The following VSIG10L variants were observed in gnomAD, a reference collection of about 807,000 sequenced individuals.
VSIG10L encodes V-set and immunoglobulin domain-containing protein 10-like.
In VSIG10L, 63 loss-of-function variants were observed where a neutral mutation model predicts 67.3. That is an observed-to-expected ratio of 0.94 (90% CI 0.76 to 1.15). VSIG10L has a LOEUF of 1.15. Ranked by LOEUF, VSIG10L falls within the 50% of genes most tolerant of loss-of-function variation. The probability of loss-of-function intolerance (pLI) is 0.00; values close to 1 mark genes in which losing one functional copy is unlikely to be tolerated. For missense variants in VSIG10L, 1,050 were observed against 1,177.5 expected, an observed-to-expected ratio of 0.89 and a Z score of 1.58; for synonymous variants, 499 against 524.9, an observed-to-expected ratio of 0.95 and a Z score of 0.67.
intron 5 of VSIG10L, 49 bp downstream of exon 5, chr19:51,338,839 A>G (rs1173504038): frequency 6.7e-6 from 9 of 1,337,546 alleles, no homozygotes; most frequent in Non-Finnish European, 1.9e-6. Flanking sequence ...CCAAAGAAAA[A>G]GTCTCCCTCC....
intron 7 of VSIG10L, among the ~76,000 whole-genome samples, 180 bp from the exon 8 acceptor site, chr19:51,334,484 C>T (rs7256206): frequency 0.17 from 26,207 of 152,192 alleles, 3,707 homozygotes; most frequent in African/African-American, 0.38. Flanking sequence ...TACTGAGTGA[C>T]CGTGGTGTGC....
chr19:51,332,651 G>A lies in VSIG10L; in HGVS notation c.2575-11C>T. 6.4e-7 allele frequency: 1 copy of A among 1,550,784 alleles called. No individual in the cohort carries two copies. The highest frequency in any genetic ancestry group is 8.7e-7 in the Non-Finnish European group (1 of 1,146,406). On this transcript the variant is annotated splice_polypyrimidine_tract_variant and intron_variant, in intron 9 of 9. Transcript: ENST00000335624. The stretch of plus-strand genomic sequence containing the variant: ...AACTGGGGTCTGTGCCTGGAAGAGA[G>A]AGGTGGGGTGAGGGGAGAACTCAGT...
At chr19:51,335,866 C>T (rs1198237783) in intron 7 of VSIG10L, among the ~76,000 whole-genome samples, 17 of 152,066 alleles carry the variant, frequency 1.1e-4, no homozygotes, top group Admixed American at 1.1e-3. Flanking sequence ...TAGCTGAGAT[C>T]ATGCCACTGC....
chr19:51,332,573 C>G lies in VSIG10L; in HGVS notation c.*38G>C. On this transcript the variant is annotated 3_prime_UTR_variant, in exon 10 of 10. Coordinates refer to ENST00000335624, the MANE Select transcript of VSIG10L (RefSeq NM_001163922.3). ...CAGGGCAGACCACTGGCTCTGATCACACCTGTGTGGCTGCGCGAACAGTCT... is the reference window on the plus strand; with the variant it reads ...CAGGGCAGACCACTGGCTCTGATCAGACCTGTGTGGCTGCGCGAACAGTCT... The G allele has an allele frequency of 6.4e-7, 1 of 1,551,400 alleles. No individual in the cohort carries two copies. The highest frequency in any genetic ancestry group is 2.4e-5 in the East Asian group (1 of 40,912).
chr19:51,341,129 C>T (rs762888721), intron 2 of VSIG10L, 24 bp downstream of exon 2: 23 of 1,481,244 alleles, frequency 1.6e-5, no homozygotes, highest in Non-Finnish European at 2.0e-5. Context: ...GCCGCCTGCA[C>T]GCCGGACGCC....
In VSIG10L at chr19:51,340,560, G is replaced by T. The variant is rs997349250; in HGVS notation, c.1062C>A (p.Pro354=). The change falls in exon 3 of 10, where the codon CCC becomes CCA. Residue 354 remains proline (P), a synonymous_variant. Coordinates refer to ENST00000335624, the MANE Select transcript of VSIG10L (RefSeq NM_001163922.3). The surrounding 1 kb of genome is among the most constrained non-coding windows in gnomAD (Gnocchi z 6.3). ...GCTGGTCGCCCTCTGAGCGCATCCGGGGCGTCTCGGCTCCCTCCGATTCCG... is the reference window on the plus strand; with the variant it reads ...GCTGGTCGCCCTCTGAGCGCATCCGTGGCGTCTCGGCTCCCTCCGATTCCG... ...EAAESEGAET[P]RMRSEGDQLL... is the part of the protein sequence containing the mutation. 15 of 1,535,626 alleles carry T rather than the reference G, an allele frequency of 9.8e-6. No homozygotes were observed. The highest frequency in any genetic ancestry group is 2.4e-5 in the South Asian group (2 of 83,996).
In VSIG10L at chr19:51,341,230, T is replaced by A; in HGVS notation, c.818A>T (p.Asp273Val). ...VLELASAQLD[D>V]AGVYTAEVIR... ...GACCTCAGCCGTGTAGACCCCTGCA[T>A]CGTCCAGCTGGGCAGAGGCGAGCTC... Residue 273 changes from aspartate to valine, a missense_variant, in exon 2 of 10, where the codon GAT becomes GTT. By Grantham distance (152) the Asp-to-Val change is radical (BLOSUM62 -3). This residue lies in a region of VSIG10L where 511 missense variants were observed against 557.9 expected (regional missense o/e 0.92). Transcript: ENST00000335624. 6.4e-7 allele frequency: 1 copy of A among 1,550,712 alleles called. No individual in the cohort carries two copies. The highest frequency in any genetic ancestry group is 8.7e-7 in the Non-Finnish European group (1 of 1,146,846).
Position 51,341,503 on chromosome 19 carries a change from G to A in VSIG10L, c.545C>T (p.Ser182Phe). 3 of 1,551,010 alleles carry A rather than the reference G, an allele frequency of 1.9e-6. No homozygotes were observed. Among genetic ancestry groups the A allele is most frequent in the Non-Finnish European group, 1.7e-6 (2 of 1,146,744 alleles). Reference protein sequence around the residue: ...LSAQSPESKFSAETHSAASFP... With the variant: ...LSAQSPESKFFAETHSAASFP... The stretch of plus-strand genomic sequence containing the variant: ...GCTTGCAGCTGAGTGGGTCTCTGCA[G>A]AAAATTTGGATTCAGGGCTCTGGGC... The change falls in exon 2 of 10, where the codon TCT (serine) becomes TTT (phenylalanine). Residue 182 changes from serine to phenylalanine, a missense_variant. By Grantham distance (155) the Ser-to-Phe change is radical (BLOSUM62 -2). Around this residue, in one of 3 missense-constraint regions of VSIG10L, gnomAD observed 511 missense variants for 557.9 expected, o/e 0.92. Coordinates refer to ENST00000335624, the MANE Select transcript of VSIG10L (RefSeq NM_001163922.3).
In VSIG10L at chr19:51,337,501, G is replaced by C; in HGVS notation, c.2042C>G (p.Ala681Gly). The C allele has an allele frequency of 6.5e-7, 1 of 1,547,788 alleles. No individual in the cohort carries two copies. Among genetic ancestry groups the C allele is most frequent in the Middle Eastern group, 1.7e-4 (1 of 5,980 alleles). The change falls in exon 7 of 10, where the codon GCC (alanine) becomes GGC (glycine). Residue 681 changes from alanine (A) to glycine (G), a missense_variant. Ala to Gly is a moderately conservative substitution (Grantham distance 60). Around this residue, in one of 3 missense-constraint regions of VSIG10L, gnomAD observed 529 missense variants for 584.9 expected, o/e 0.90. Transcript: ENST00000335624. ...PSISSWRLQR[A>G]RDAAVLTWDV... ...CCAAGTCAGCACGGCTGCATCTCTG[G>C]CTCTCTGAAGCCTCCACGAGGATAT...
intron 7 of VSIG10L, among the ~76,000 whole-genome samples, chr19:51,334,620 T>C (rs908770057): frequency 2.0e-5 from 3 of 152,160 alleles, no homozygotes; most frequent in Non-Finnish European, 4.4e-5. Flanking sequence ...AATCACAGAT[T>C]GTCCCGAGAA....
chr19:51,332,160 C>T lies in VSIG10L; in HGVS notation c.*451G>A, dbSNP rs936146918. Reference sequence around the variant, plus strand: ...AAGGGAAATGCACAGGCCGTAGAAGCGTTTAAAGAGAAGAGTGACATGATC... The same window carrying T: ...AAGGGAAATGCACAGGCCGTAGAAGTGTTTAAAGAGAAGAGTGACATGATC... On this transcript the variant is annotated 3_prime_UTR_variant, in exon 10 of 10. Coordinates refer to ENST00000335624, the MANE Select transcript of VSIG10L (RefSeq NM_001163922.3). 5.9e-5 allele frequency: 14 copies of T among 239,270 alleles called. No individual in the cohort carries two copies. Among genetic ancestry groups the T allele is most frequent in the Non-Finnish European group, 5.9e-5 (7 of 118,252 alleles). The allele number at this position is 239,270 out of a possible 1,614,324, so 14.8% of individuals were successfully genotyped here.
At position 51,334,156 on chromosome 19, in the gene VSIG10L, G is replaced by C. The variant is rs1568461734; in HGVS notation, c.2419+35C>G. On this transcript the variant is annotated intron_variant, in intron 8 of 9. Transcript: ENST00000335624. The stretch of plus-strand genomic sequence containing the variant: ...CTCTTTCTAGGGTCCCTCCCCGTTG[G>C]TCATGGTTGCCCCTTCCCCAGTCCC... 3.2e-6 allele frequency: 5 copies of C among 1,548,232 alleles called. No homozygotes were observed. The Admixed American group carries it at 7.9e-5, about 24-fold the overall frequency.
intron 7 of VSIG10L, among the ~76,000 whole-genome samples, chr19:51,336,758 C>A (rs1357217730): frequency 1.5e-5 from 2 of 132,650 alleles, no homozygotes; most frequent in Non-Finnish European, 3.2e-5. Flanking sequence ...CCTGTCGACA[C>A]CTTGATTTTT....
intron 2 of VSIG10L, 21 bp downstream of exon 2, chr19:51,341,132 C>T (rs1180712502): frequency 8.8e-6 from 13 of 1,483,644 alleles, no homozygotes; most frequent in Middle Eastern, 1.8e-4. Flanking sequence ...GCCTGCACGC[C>T]GGACGCCAGG....
chr19:51,338,296 G>C, intron 5 of VSIG10L, 88 bp from the exon 6 acceptor site: 1 of 1,392,344 alleles, frequency 7.2e-7, no homozygotes, highest in Non-Finnish European at 9.4e-7. Context: ...AAATCAGATG[G>C]TGGTAAGCCC....
At position 51,333,786 on chromosome 19, in the gene VSIG10L, C is replaced by A. The variant is rs1312223424; in HGVS notation, c.2574+5G>T. ...CCAGGAGGAAATGAGGGCACCCACA[C>A]TCACTTGGTAGGCCCTAGTTGAGCT... is the stretch of plus-strand genomic sequence containing the variant. On this transcript the variant is annotated splice_donor_5th_base_variant and intron_variant, in intron 9 of 9. Transcript: ENST00000335624. 2 of 1,536,234 alleles carry A rather than the reference C, an allele frequency of 1.3e-6. No homozygotes were observed.
intron 6 of VSIG10L, 99 bp downstream of exon 6, chr19:51,337,831 G>C (rs1599833612): frequency 7.1e-7 from 1 of 1,412,702 alleles, no homozygotes; most frequent in Non-Finnish European, 9.4e-7. Flanking sequence ...TGGATCCGAG[G>C]TCTGAGGGAG....
rs1312956757 is a variant in VSIG10L at position 51,340,571 on chromosome 19, C to T, written c.1051G>A (p.Ala351Thr). The T allele has an allele frequency of 2.2e-5, 34 of 1,535,480 alleles. No homozygotes were observed. Among genetic ancestry groups the T allele is most frequent in the Non-Finnish European group, 2.9e-5 (33 of 1,146,196 alleles). The change falls in exon 3 of 10, where the codon GCC (alanine) becomes ACC (threonine). Residue 351 changes from alanine to threonine, a missense_variant. Coordinates refer to ENST00000335624, the MANE Select transcript of VSIG10L (RefSeq NM_001163922.3). This position sits in a 1 kb window ranked among gnomAD's most constrained non-coding sequence, Gnocchi z 6.3. ...TCTGAGCGCATCCGGGGCGTCTCGGCTCCCTCCGATTCCGCCGCCTCCAGG... is the reference window on the plus strand; with the variant it reads ...TCTGAGCGCATCCGGGGCGTCTCGGTTCCCTCCGATTCCGCCGCCTCCAGG... ...RALEAAESEGAETPRMRSEGD... is the reference protein window; with the variant it reads ...RALEAAESEGTETPRMRSEGD...
rs192493912 is a variant in VSIG10L at position 51,338,356 on chromosome 19, C to T, written c.1730-148G>A. The T allele has an allele frequency of 3.6e-4, 288 of 800,430 alleles. No individual in the cohort carries two copies. The African/African-American group carries it at 4.2e-3, about 12-fold the overall frequency. The allele number at this position is 800,430 out of a possible 1,614,324, so 49.6% of individuals were successfully genotyped here. A position where few individuals can be genotyped will look rare whatever the true frequency, so the allele number is the denominator to read the frequency against. ...AACTGCCAATTTACTCACTCATTAG[C>T]TCATTCATTCATTCATTCATTTATT... On this transcript the variant is annotated intron_variant, in intron 5 of 9. Transcript: ENST00000335624.
Sources: gnomAD v4.1 joint callset for allele counts (sites outside exome capture counted in the v4.1 genomes callset) on GRCh38, gnomAD v4.1.1 for gene constraint, gnomAD v4.1.1 regional missense constraint, Gnocchi (gnomAD v3.1) non-coding constraint, MANE v1.5 for transcripts, NCBI Gene and HGNC (gene_info 2026-07-23, HGNC 2026-07-21) for gene names.